BCAS3: variants seen among roughly 807,000 people sequenced by gnomAD.
BCAS3 encodes BCAS4/BCAS3 fusion.
Under a neutral mutation model 116.1 loss-of-function variants are expected in BCAS3, and 53 were observed. That is an observed-to-expected ratio of 0.46 (90% CI 0.37 to 0.57). The LOEUF (loss-of-function observed/expected upper bound fraction) is 0.57, where lower values mean the gene tolerates loss of function less well. Among genes scored for constraint, BCAS3 ranks in the 20% least tolerant of loss-of-function variants. The pLI is 0.00. For synonymous variants in BCAS3, 391 were observed against 408.2 expected (o/e 0.96, Z 0.51); for missense variants, 917 against 1,165.4 (o/e 0.79, Z 3.10).
rs1348063390 is a variant in BCAS3, at chr17:61,180,773, C to A, written c.2425+96209C>A. ...TGCTGTAGGCACAGAATAAAGTTAT[C>A]CTAGCCATGTAGCACTTGAAATGAG... On this transcript the variant is annotated intron_variant, in intron 22 of 23. Transcript: ENST00000407086. This position sits in a 1 kb window ranked among gnomAD's most constrained non-coding sequence, Gnocchi z 6.0. 1.3e-5 allele frequency among the ~76,000 whole-genome samples: 2 copies of A among 152,182 alleles called. No homozygotes were observed. The highest frequency in any genetic ancestry group is 4.8e-5 in the African/African-American group (2 of 41,442).
chr17:60,753,699 AC>A (rs1337812644), intron 6 of BCAS3, among the ~76,000 whole-genome samples: 1 of 151,934 alleles, frequency 6.6e-6, no homozygotes, highest in African/African-American at 2.4e-5. Flanking sequence ...ATGAGCCACC[AC>A]GCTCTGCCGC....
At chr17:60,747,027 T>C (rs1465666608) in intron 5 of BCAS3, among the ~76,000 whole-genome samples, 171 bp from the exon 6 acceptor site, 2 of 152,222 alleles carry the variant, frequency 1.3e-5, no homozygotes, top group East Asian at 3.8e-4. Flanking sequence ...CTTGCAGTAA[T>C]TTAAGATATG....
intron 11 of BCAS3, among the ~76,000 whole-genome samples, chr17:60,905,117 A>G (rs1173081887): frequency 6.6e-6 from 1 of 152,218 alleles, no homozygotes; most frequent in Non-Finnish European, 1.5e-5. Context: ...ATAGGATACC[A>G]TATATATTGT....
At chr17:60,901,808 A>G (rs187323481) in intron 10 of BCAS3, among the ~76,000 whole-genome samples, 5 of 152,190 alleles carry the variant, frequency 3.3e-5, no homozygotes, top group African/African-American at 1.2e-4. Flanking sequence ...CAGAGGTTCT[A>G]AAAAACTCAT....
At position 61,325,714 on chromosome 17, in the gene BCAS3, G is replaced by A. The variant is rs2055674583; in HGVS notation, c.2426-42613G>A. 6.6e-6 allele frequency among the ~76,000 whole-genome samples: 1 copy of A among 152,184 alleles called. No homozygotes were observed. Among genetic ancestry groups the A allele is most frequent in the Non-Finnish European group, 1.5e-5 (1 of 68,030 alleles). On this transcript the variant is annotated intron_variant, in intron 22 of 23. Coordinates refer to ENST00000407086, the MANE Select transcript of BCAS3 (RefSeq NM_017679.5). The surrounding 1 kb of genome is among the most constrained non-coding windows in gnomAD (Gnocchi z 6.4). ...TTCCAGGAGTAACAGGCCTGATGATGACCAGCAGGAGAGAGATGGGCCAAC... is the reference window on the plus strand; with the variant it reads ...TTCCAGGAGTAACAGGCCTGATGATAACCAGCAGGAGAGAGATGGGCCAAC...
chr17:60,970,698 G>A (rs2061910317), intron 14 of BCAS3, among the ~76,000 whole-genome samples: 1 of 152,094 alleles, frequency 6.6e-6, no homozygotes, highest in Admixed American at 6.6e-5. Flanking sequence ...ATTTTGGGCT[G>A]TATGATAAAA....
rs777537385 is a variant in BCAS3, at chr17:60,902,711, C to T, written c.822+8C>T. The T allele has an allele frequency of 6.3e-7, 1 of 1,585,054 alleles. No homozygotes were observed. Among genetic ancestry groups the T allele is most frequent in the South Asian group, 1.1e-5 (1 of 90,308 alleles). On this transcript the variant is annotated splice_region_variant and intron_variant, in intron 11 of 23. Transcript: ENST00000407086. ...GTCATTAGTGCTGCTAAAGTGAGTA[C>T]CTCCGAAATCTTGGAGAGTTGTGGT... is the stretch of plus-strand genomic sequence containing the variant.
At chr17:61,245,928 C>T (rs571886614) in intron 22 of BCAS3, among the ~76,000 whole-genome samples, 3 of 152,156 alleles carry the variant, frequency 2.0e-5, no homozygotes, top group Non-Finnish European at 4.4e-5. Context: ...GTGCACTCAG[C>T]GTGAGGCTGA....
intron 22 of BCAS3, among the ~76,000 whole-genome samples, chr17:61,321,987 G>GC (rs1855290156): frequency 6.6e-6 from 1 of 152,046 alleles, no homozygotes. Flanking sequence ...AGGCTGGAGT[G>GC]CAGTGGCACA....
intron 14 of BCAS3, among the ~76,000 whole-genome samples, chr17:60,966,098 T>G (rs564242797): frequency 2.0e-5 from 3 of 152,350 alleles, no homozygotes; most frequent in African/African-American, 4.8e-5. Flanking sequence ...CTGTCTCTCT[T>G]TATAATCTTA....
chr17:61,084,487 A>G lies in BCAS3; in HGVS notation c.2348A>G (p.Asp783Gly). ...TGCAGGATCCAGCCAGTCCGCTCTG[A>G]CCCCGTCAGCATGCCAGGGTCATCC... Reference protein sequence around the residue: ...NSLRIQPVRSDPVSMPGSSRP... With the variant: ...NSLRIQPVRSGPVSMPGSSRP... Residue 783 changes from aspartate (D) to glycine (G), a missense_variant, in exon 22 of 24, where the codon GAC (aspartate) becomes GGC (glycine). Around this residue, in one of 3 missense-constraint regions of BCAS3, gnomAD observed 807 missense variants for 1,026.0 expected, o/e 0.79. Transcript: ENST00000407086. This position sits in a 1 kb window ranked among gnomAD's most constrained non-coding sequence, Gnocchi z 5.5. 1 of 1,613,962 alleles carries G rather than the reference A, an allele frequency of 6.2e-7. No individual in the cohort carries two copies. The highest frequency in any genetic ancestry group is 8.5e-7 in the Non-Finnish European group (1 of 1,179,952).
chr17:60,988,608 A>G (rs1032810686), intron 14 of BCAS3, among the ~76,000 whole-genome samples: 1 of 151,768 alleles, frequency 6.6e-6, no homozygotes, highest in African/African-American at 2.4e-5. Flanking sequence ...GGATATTTTC[A>G]TGATTCAATC....
chr17:60,687,103 T>A (rs1381413398), intron 3 of BCAS3, among the ~76,000 whole-genome samples: 1 of 152,176 alleles, frequency 6.6e-6, no homozygotes, highest in Non-Finnish European at 1.5e-5. Flanking sequence ...TATATAAAAT[T>A]CAAAAATAAC....
chr17:60,798,705 A>T (rs899417903), intron 6 of BCAS3, among the ~76,000 whole-genome samples: 2 of 152,178 alleles, frequency 1.3e-5, no homozygotes, highest in East Asian at 1.9e-4. Flanking sequence ...ATTACCAAGG[A>T]GTGTGATTTC....
chr17:61,248,154 T>C lies in BCAS3; in HGVS notation c.2426-120173T>C, dbSNP rs1434579885. 6.6e-6 allele frequency among the ~76,000 whole-genome samples: 1 copy of C among 152,204 alleles called. No individual in the cohort carries two copies. The highest frequency in any genetic ancestry group is 1.5e-5 in the Non-Finnish European group (1 of 68,040). ...GCTTTCTGCTTTTCTGAGCACTTCT[T>C]GGATCCTTTCCCCAACAAAGCCACC... On this transcript the variant is annotated intron_variant, in intron 22 of 23. Transcript: ENST00000407086. The surrounding 1 kb of genome is among the most constrained non-coding windows in gnomAD (Gnocchi z 4.3).
rs1294907772 is a variant in BCAS3 at position 61,186,714 on chromosome 17, T to A, written c.2425+102150T>A. Among the ~76,000 whole-genome samples the A allele has an allele frequency of 6.6e-6, 1 of 151,898 alleles. No individual in the cohort carries two copies. The highest frequency in any genetic ancestry group is 1.5e-5 in the Non-Finnish European group (1 of 67,956). On this transcript the variant is annotated intron_variant, in intron 22 of 23. Coordinates refer to ENST00000407086, the MANE Select transcript of BCAS3 (RefSeq NM_017679.5). This position sits in a 1 kb window ranked among gnomAD's most constrained non-coding sequence, Gnocchi z 4.9. ...GTTTAGAGGCCACCAATATTAACAG[T>A]TGTTTTTTTTTTTTGAGACGGAGTC...
At chr17:61,329,783 CTCGGCG>C (rs2056104024) in intron 22 of BCAS3, among the ~76,000 whole-genome samples, 1 of 118,280 alleles carries the variant, frequency 8.5e-6, no homozygotes, top group Non-Finnish European at 2.0e-5. Flanking sequence ...TACGTTCGTC[CTCGGCG>C]CTCACCTCCT....
rs757426698 is a variant in BCAS3 at position 61,343,404 on chromosome 17, C to T, written c.2426-24923C>T. Among the ~76,000 whole-genome samples the T allele has an allele frequency of 6.6e-6, 1 of 152,182 alleles. No homozygotes were observed. Among genetic ancestry groups the T allele is most frequent in the Non-Finnish European group, 1.5e-5 (1 of 68,024 alleles). ...GACACACCGACCCAGGCAGGAGCAG[C>T]GATCTGGCCATGGTTTATAGCAACA... On this transcript the variant is annotated intron_variant, in intron 22 of 23. Transcript: ENST00000407086. The surrounding 1 kb of genome is among the most constrained non-coding windows in gnomAD (Gnocchi z 5.5).
intron 6 of BCAS3, among the ~76,000 whole-genome samples, chr17:60,785,992 G>T (rs907703382): frequency 3.9e-5 from 6 of 152,172 alleles, no homozygotes; most frequent in Non-Finnish European, 8.8e-5. Context: ...GTACACAGGA[G>T]GATGTGCATA....
Sources: allele counts gnomAD v4.1 joint callset (sites outside exome capture counted in the v4.1 genomes callset), GRCh38; gene constraint gnomAD v4.1.1; regional missense constraint gnomAD v4.1.1; non-coding constraint Gnocchi (gnomAD v3.1); transcripts MANE v1.5; gene names NCBI Gene and HGNC (gene_info 2026-07-23, HGNC 2026-07-21).